Variants in NEK11 observed in about 807,000 individuals in gnomAD.
NEK11 encodes NIMA related kinase 11.
NEK11 carries 72 observed loss-of-function variants against 80.7 expected under a neutral mutation model. That is an observed-to-expected ratio of 0.89 (90% CI 0.74 to 1.08). The LOEUF is 1.08. Ranked by LOEUF, NEK11 falls within the 50% of genes least tolerant of loss-of-function variation. The pLI is 0.00. For missense variants in NEK11, 764 were observed against 763.6 expected (o/e 1.00, Z -0.01); for synonymous variants, 251 against 260.7 (o/e 0.96, Z 0.36).
At chr3:131,284,417 TTCTGTC>T (rs2096445367) in intron 17 of NEK11, among the ~76,000 whole-genome samples, 1 of 152,174 alleles carries the variant, frequency 6.6e-6, no homozygotes, top group Admixed American at 6.5e-5. Flanking sequence ...TCCTCTGGGC[TTCTGTC>T]TCTATTGTCC....
At chr3:131,289,736 G>A (rs1398088740) in intron 17 of NEK11, among the ~76,000 whole-genome samples, 2 of 152,166 alleles carry the variant, frequency 1.3e-5, no homozygotes, top group East Asian at 3.9e-4. Flanking sequence ...CAGCATCACA[G>A]CTTGTATCTC....
At chr3:131,175,115 G>A (rs971096744) in intron 14 of NEK11, 13 of 1,057,402 alleles carry the variant, frequency 1.2e-5, no homozygotes, top group African/African-American at 1.7e-5. Context: ...TGGAAATAAA[G>A]TGATTTGAAC....
At chr3:131,061,754 A>G (rs1188251250) in intron 3 of NEK11, among the ~76,000 whole-genome samples, 1 of 152,218 alleles carries the variant, frequency 6.6e-6, no homozygotes, top group Non-Finnish European at 1.5e-5. Flanking sequence ...TTATAAATTT[A>G]ATGGGTGGGT....
chr3:131,114,593 C>G (rs892070985), intron 5 of NEK11, among the ~76,000 whole-genome samples: 1 of 152,196 alleles, frequency 6.6e-6, no homozygotes, highest in South Asian at 2.1e-4. Context: ...ATCATCCAGT[C>G]TGCTCACATG....
At chr3:131,232,985 G>T (rs1319032119) in intron 15 of NEK11, among the ~76,000 whole-genome samples, 2 of 56,952 alleles carry the variant, frequency 3.5e-5, no homozygotes, top group Non-Finnish European at 7.2e-5. Context: ...TGAGGGGAAG[G>T]AAGGAAGGAA....
chr3:131,213,799 C>T (rs1245060237), intron 14 of NEK11, among the ~76,000 whole-genome samples: 1 of 152,166 alleles, frequency 6.6e-6, no homozygotes, highest in Non-Finnish European at 1.5e-5. Context: ...TTCATGTGCA[C>T]ACTGGTTGTA....
intron 17 of NEK11, among the ~76,000 whole-genome samples, chr3:131,278,467 G>A (rs1428374344): frequency 6.6e-6 from 1 of 152,194 alleles, no homozygotes; most frequent in Non-Finnish European, 1.5e-5. Context: ...GTGAACGGGT[G>A]GATAAGTGGG....
At chr3:131,228,492 A>G (rs2095258481) in intron 14 of NEK11, 36 bp from the exon 15 acceptor site, 1 of 1,548,210 alleles carries the variant, frequency 6.5e-7, no homozygotes. Flanking sequence ...TAATTTTAAT[A>G]ACTGGTAGTA....
chr3:131,309,180 C>A (rs1475352890), intron 17 of NEK11, among the ~76,000 whole-genome samples: 1 of 152,182 alleles, frequency 6.6e-6, no homozygotes, highest in Non-Finnish European at 1.5e-5. Flanking sequence ...CCCCAGAATG[C>A]TTTCTGCTGT....
intron 3 of NEK11, among the ~76,000 whole-genome samples, chr3:131,057,480 T>C (rs1217758309): frequency 2.0e-5 from 3 of 150,508 alleles, no homozygotes; most frequent in South Asian, 4.2e-4. Context: ...TCCACAATGG[T>C]TGAACTAGTT....
At chr3:131,036,999 C>T (rs2065747644) in intron 3 of NEK11, among the ~76,000 whole-genome samples, 1 of 152,146 alleles carries the variant, frequency 6.6e-6, no homozygotes, top group Admixed American at 6.5e-5. Context: ...TTTTTAACAC[C>T]TGCATAATAG....
chr3:131,048,718 G>A (rs2067840375), intron 3 of NEK11, among the ~76,000 whole-genome samples: 1 of 152,180 alleles, frequency 6.6e-6, no homozygotes, highest in Non-Finnish European at 1.5e-5. Flanking sequence ...TGTTCCTGTG[G>A]TAGTTCTTGG....
chr3:131,261,713 T>C (rs557636757), intron 16 of NEK11, among the ~76,000 whole-genome samples: 4 of 152,276 alleles, frequency 2.6e-5, no homozygotes, highest in African/African-American at 9.6e-5. Flanking sequence ...CCATACATAG[T>C]ATAGTGTCTT....
intron 17 of NEK11, among the ~76,000 whole-genome samples, chr3:131,347,469 C>A (rs7644558): frequency 0.2 from 30,405 of 152,084 alleles, 5,908 homozygotes; most frequent in African/African-American, 0.5. Flanking sequence ...ATCTCTTTAT[C>A]GGCCACAATA....
At chr3:131,222,789 C>T (rs2107689799) in intron 14 of NEK11, among the ~76,000 whole-genome samples, 2 of 152,324 alleles carry the variant, frequency 1.3e-5, no homozygotes, top group East Asian at 3.9e-4. Context: ...CACACCAGAC[C>T]TGCTGAATCA....
chr3:131,105,242 C>T (rs59911569), intron 4 of NEK11, among the ~76,000 whole-genome samples: 2,835 of 152,300 alleles, frequency 0.019, 93 homozygotes, highest in African/African-American at 0.065. Flanking sequence ...AAACAAAAAA[C>T]CTTTTCACAA....
In NEK11 at chr3:131,152,402, T is replaced by C; in HGVS notation, c.662T>C (p.Ile221Thr). ...TTTGTCTTCAGGTCACTGGCATGCA[T>C]TTTGTATGAGATGTGCTGCATGAAT... ...TKSDIWSLAC[I>T]LYEMCCMNHA... Residue 221 changes from isoleucine (I) to threonine (T), a missense_variant, in exon 8 of 18, where the codon ATT becomes ACT. Ile to Thr is a moderately conservative substitution (Grantham distance 89). Transcript: ENST00000383366. 6.2e-7 allele frequency: 1 copy of C among 1,602,162 alleles called. No homozygotes were observed. The highest frequency in any genetic ancestry group is 8.5e-7 in the Non-Finnish European group (1 of 1,175,724).
At chr3:131,192,913 G>C (rs1265620645) in intron 14 of NEK11, among the ~76,000 whole-genome samples, 1 of 152,142 alleles carries the variant, frequency 6.6e-6, no homozygotes, top group Non-Finnish European at 1.5e-5. Context: ...GGTGTCCCCA[G>C]CTACTGAATA....
intron 17 of NEK11, among the ~76,000 whole-genome samples, chr3:131,276,414 T>G (rs945471597): frequency 6.6e-6 from 1 of 152,156 alleles, no homozygotes; most frequent in African/African-American, 2.4e-5. Context: ...TAGATGGCCC[T>G]GCAGAACTGT....
Sources: allele counts gnomAD v4.1 joint callset (sites outside exome capture counted in the v4.1 genomes callset), GRCh38; gene constraint gnomAD v4.1.1; transcripts MANE v1.5; gene names NCBI Gene and HGNC (gene_info 2026-07-23, HGNC 2026-07-21).